Variants in SLC19A2 observed in about 807,000 individuals in gnomAD.
SLC19A2 encodes solute carrier family 19 member 2, also known as thiamine transporter 1.
A neutral mutation model predicts 44.7 loss-of-function variants in SLC19A2; 27 were observed. The observed-to-expected ratio is 0.60, with a 90% CI of 0.45 to 0.83. The LOEUF is 0.83. SLC19A2 is among the 40% of genes least tolerant of loss of function. SLC19A2 has a pLI of 0.00. For missense variants in SLC19A2, 566 were observed against 613.7 expected (o/e 0.92, Z 0.82); for synonymous variants, 239 against 243.6 (o/e 0.98, Z 0.18).
rs554433074 is a variant in SLC19A2 at position 169,468,653 on chromosome 1, G to C, written c.1214C>G (p.Thr405Arg). 6.2e-7 allele frequency: 1 copy of C among 1,613,304 alleles called. No individual in the cohort carries two copies. The highest frequency in any genetic ancestry group is 1.3e-5 in the African/African-American group (1 of 74,956). ...GAGCCAAAATACATACGTTGCTATC[G>C]TGATGAGTAACATGTAGATGATTCT... is the stretch of plus-strand genomic sequence containing the variant. Reference protein sequence around the residue: ...VFRIIYMLLITIATFQIAANL... With the variant: ...VFRIIYMLLIRIATFQIAANL... Residue 405 changes from threonine to arginine, a missense_variant, in exon 4 of 6, where the codon ACG becomes AGG. By Grantham distance (71) the Thr-to-Arg change is moderately conservative (BLOSUM62 -1). Coordinates refer to ENST00000236137, the MANE Select transcript of SLC19A2 (RefSeq NM_006996.3).
intron 3 of SLC19A2, 106 bp from the exon 4 acceptor site, chr1:169,468,942 A>C: frequency 1.0e-6 from 1 of 982,808 alleles, no homozygotes; most frequent in Middle Eastern, 3.0e-4. Flanking sequence ...GCAAACTTAT[A>C]AACAGAATAG....
At chr1:169,477,779 A>G (rs1185031128) in intron 1 of SLC19A2, 22 bp from the exon 2 acceptor site, 3 of 1,590,482 alleles carry the variant, frequency 1.9e-6, no homozygotes, top group South Asian at 2.3e-5. Flanking sequence ...AGAAAAAAAA[A>G]AAACAAAAAA....
At chr1:169,484,766 A>G (rs990919334) in intron 1 of SLC19A2, among the ~76,000 whole-genome samples, 2 of 152,102 alleles carry the variant, frequency 1.3e-5, no homozygotes, top group Non-Finnish European at 2.9e-5. Context: ...GAAAAAATCA[A>G]TCAGCAAGAA....
rs1658557888 is a variant in SLC19A2, at chr1:169,485,924, C to G, written c.-158G>C. The G allele has an allele frequency of 5.7e-6, 5 of 873,070 alleles. No homozygotes were observed. The highest frequency in any genetic ancestry group is 1.7e-5 in the African/African-American group (1 of 58,372). The allele number at this position is 873,070 out of a possible 1,614,324, so 54.1% of individuals were successfully genotyped here. On this transcript the variant is annotated 5_prime_UTR_variant, in exon 1 of 6. Coordinates refer to ENST00000236137, the MANE Select transcript of SLC19A2 (RefSeq NM_006996.3). ...CCGCCTCCGGCTACAGAACCCCCAGCTTTACCCTACAGACGCCTCTAGGGT... is the reference window on the plus strand; with the variant it reads ...CCGCCTCCGGCTACAGAACCCCCAGGTTTACCCTACAGACGCCTCTAGGGT...
chr1:169,482,209 A>T (rs766120853), intron 1 of SLC19A2, among the ~76,000 whole-genome samples: 24 of 151,520 alleles, frequency 1.6e-4, no homozygotes, highest in Non-Finnish European at 2.4e-4. Context: ...CTCAAAAAAT[A>T]AAAATTAAAA....
At chr1:169,475,138 T>C (rs1658277350) in intron 2 of SLC19A2, among the ~76,000 whole-genome samples, 1 of 152,208 alleles carries the variant, frequency 6.6e-6, no homozygotes, top group Admixed American at 6.5e-5. Context: ...CATTTCTAAC[T>C]CTAAAATTCT....
Position 169,468,138 on chromosome 1 carries a change from A to G in SLC19A2, c.1338T>C (p.Ser446=). 2 of 1,614,092 alleles carry G rather than the reference A, an allele frequency of 1.2e-6. No individual in the cohort carries two copies. Among genetic ancestry groups the G allele is most frequent in the African/African-American group, 1.3e-5 (1 of 75,060 alleles). ...TLLTLIVVDA[S]GLGLEITTQF... ...GAGTGGTAATTTCTAATCCAAGGCCACTGGCATCTACCACAATTAGAGTGA... is the reference window on the plus strand; with the variant it reads ...GAGTGGTAATTTCTAATCCAAGGCCGCTGGCATCTACCACAATTAGAGTGA... The change falls in exon 5 of 6, where the codon AGT becomes AGC. Residue 446 remains serine (S), a synonymous_variant. Coordinates refer to ENST00000236137, the MANE Select transcript of SLC19A2 (RefSeq NM_006996.3).
Position 169,470,170 on chromosome 1 carries a change from C to T in SLC19A2, c.824G>A (p.Arg275His), listed in dbSNP as rs61734338. 4.3e-5 allele frequency: 69 copies of T among 1,613,798 alleles called. No individual in the cohort carries two copies. The highest frequency in any genetic ancestry group is 1.5e-4 in the Admixed American group (9 of 59,948). Residue 275 changes from arginine (R) to histidine (H), a missense_variant, in exon 3 of 6, where the codon CGT becomes CAT. Physicochemically the swap from Arg to His is conservative, Grantham distance 29 (BLOSUM62 0). Transcript: ENST00000236137. ...PVEEPEPKPD[R>H]LLVLKVLWND... Reference sequence around the variant, plus strand: ...CCATAGTACTTTCAATACAAGGAGACGGTCTGGCTTGGGTTCCTACATAGC... The same window carrying T: ...CCATAGTACTTTCAATACAAGGAGATGGTCTGGCTTGGGTTCCTACATAGC...
At chr1:169,466,755 C>T (rs1658003371) in intron 5 of SLC19A2, among the ~76,000 whole-genome samples, 1 of 151,074 alleles carries the variant, frequency 6.6e-6, no homozygotes, top group Non-Finnish European at 1.5e-5. Flanking sequence ...CATTGTCCAA[C>T]ACCGACTTAT....
chr1:169,482,480 G>A (rs1480290842), intron 1 of SLC19A2, among the ~76,000 whole-genome samples: 1 of 152,130 alleles, frequency 6.6e-6, no homozygotes, highest in Non-Finnish European at 1.5e-5. Flanking sequence ...GGTAGACGTT[G>A]CAGTGAGCCG....
Position 169,465,645 on chromosome 1 carries a change from AAAT to A in SLC19A2, c.*201_*203del. On this transcript the variant is annotated 3_prime_UTR_variant, in exon 6 of 6. Transcript: ENST00000236137. ...AAGTCATCCTTAAATTAGCTCTCAT[AAAT>A]AATCCATGAAATAAACTTTACTTCT... The A allele has an allele frequency of 1.7e-6, 1 of 588,484 alleles. No homozygotes were observed. Among genetic ancestry groups the A allele is most frequent in the Non-Finnish European group, 3.0e-6 (1 of 335,308 alleles). 36.5% of individuals were successfully genotyped at this position (588,484 alleles called of 1,614,324 possible).
Position 169,477,442 on chromosome 1 carries a change from C to T in SLC19A2, c.520G>A (p.Val174Ile). The change falls in exon 2 of 6, where the codon GTC (valine) becomes ATC (isoleucine). Residue 174 changes from valine to isoleucine, a missense_variant. By Grantham distance (29) the Val-to-Ile change is conservative. Coordinates refer to ENST00000236137, the MANE Select transcript of SLC19A2 (RefSeq NM_006996.3). The part of the protein sequence containing the change: ...ATLVGFTVGS[V>I]LGQILVSVAG... ...ACTGAGACAAGGATTTGCCCTAGGA[C>T]AGAGCCCACTGTAAAGCCCACCAAA... 1 of 1,614,166 alleles carries T rather than the reference C, an allele frequency of 6.2e-7. No homozygotes were observed. Among genetic ancestry groups the T allele is most frequent in the Non-Finnish European group, 8.5e-7 (1 of 1,180,030 alleles).
chr1:169,472,018 A>G (rs1290584944), intron 2 of SLC19A2, among the ~76,000 whole-genome samples: 5 of 152,210 alleles, frequency 3.3e-5, no homozygotes, highest in Admixed American at 2.0e-4. Context: ...ACTCAGAGAA[A>G]GAAGTACCGA....
chr1:169,477,612 T>A lies in SLC19A2; in HGVS notation c.350A>T (p.Tyr117Phe). Residue 117 changes from tyrosine (Y) to phenylalanine (F), a missense_variant, in exon 2 of 6, where the codon TAT becomes TTT. Transcript: ENST00000236137. ...SLIVTWFMLL[Y>F]AQGLLAIQFL... ...TTGAATGGCCAGCAGTCCCTGGGCA[T>A]AGAGCAGCATAAACCATGTAACAAT... is the stretch of plus-strand genomic sequence containing the variant. The A allele has an allele frequency of 6.2e-7, 1 of 1,614,076 alleles. No individual in the cohort carries two copies. The highest frequency in any genetic ancestry group is 8.5e-7 in the Non-Finnish European group (1 of 1,180,006).
intron 1 of SLC19A2, among the ~76,000 whole-genome samples, chr1:169,482,579 G>A (rs982887676): frequency 6.6e-6 from 1 of 152,150 alleles, no homozygotes; most frequent in African/African-American, 2.4e-5. Context: ...CAGGAGTATT[G>A]AACCTAGTGA....
In SLC19A2 at chr1:169,468,794, CA is replaced by C. The variant is rs1658096725; in HGVS notation, c.1072del (p.Trp358GlyfsTer7). Reference protein sequence around the residue: ...VFAVGYIKISWSTWGEMTLSL... With the variant: ...VFAVGYIKISXSTWGEMTLSL... The stretch of plus-strand genomic sequence containing the variant: ...TAATGTCATTTCTCCCCAAGTTGAC[CA>C]GGATATTTTTATATAACCAACTGCA... On this transcript the variant is annotated frameshift_variant, in exon 4 of 6. Transcript: ENST00000236137. LOFTEE classifies it high-confidence loss of function. 2 of 1,613,802 alleles carry C rather than the reference CA, an allele frequency of 1.2e-6. No individual in the cohort carries two copies. The highest frequency in any genetic ancestry group is 1.7e-6 in the Non-Finnish European group (2 of 1,179,880).
Position 169,485,876 on chromosome 1 carries a change from G to T in SLC19A2, c.-110C>A. The stretch of plus-strand genomic sequence containing the variant: ...GCGAGTGACGCCTTCTCCCTGTAAG[G>T]CCAGGACGTTCTGGACTCGCCGCCG... On this transcript the variant is annotated 5_prime_UTR_variant, in exon 1 of 6. Coordinates refer to ENST00000236137, the MANE Select transcript of SLC19A2 (RefSeq NM_006996.3). 1 of 1,284,990 alleles carries T rather than the reference G, an allele frequency of 7.8e-7. No homozygotes were observed. The highest frequency in any genetic ancestry group is 1.0e-6 in the Non-Finnish European group (1 of 955,862). 79.6% of individuals were successfully genotyped at this position (1,284,990 alleles called of 1,614,324 possible). A position where few individuals can be genotyped will look rare whatever the true frequency, so the allele number is the denominator to read the frequency against.
intron 1 of SLC19A2, among the ~76,000 whole-genome samples, chr1:169,481,271 T>TA (rs1658438690): frequency 6.6e-6 from 1 of 152,224 alleles, no homozygotes; most frequent in Non-Finnish European, 1.5e-5. Context: ...AACTTGGCCT[T>TA]AAAGAAAGGT....
At chr1:169,480,712 T>A (rs1571539969) in intron 1 of SLC19A2, among the ~76,000 whole-genome samples, 1 of 152,192 alleles carries the variant, frequency 6.6e-6, no homozygotes, top group African/African-American at 2.4e-5. Context: ...CCTTTAAAAA[T>A]GTCCTCTACT....
Sources: allele counts gnomAD v4.1 joint callset (sites outside exome capture counted in the v4.1 genomes callset), GRCh38; gene constraint gnomAD v4.1.1; transcripts MANE v1.5; gene names NCBI Gene and HGNC (gene_info 2026-07-23, HGNC 2026-07-21).